Variants in ZBTB5 observed in about 807,000 individuals in gnomAD.
The protein encoded by ZBTB5 is zinc finger and BTB domain-containing protein 5.
A neutral mutation model predicts 37.9 loss-of-function variants in ZBTB5; 15 were observed. The observed-to-expected ratio is 0.40, with a 90% confidence interval of 0.26 to 0.61. The LOEUF is 0.61. Among genes scored for constraint, ZBTB5 ranks in the 20% least tolerant of loss-of-function variants. The pLI, the probability that ZBTB5 is intolerant of heterozygous loss-of-function variation, is 0.47. For synonymous variants in ZBTB5, 315 were observed against 312.4 expected, an observed-to-expected ratio of 1.01 and a Z score of -0.09; for missense variants, 708 against 856.8, an observed-to-expected ratio of 0.83 and a Z score of 2.17.
intron 1 of ZBTB5, among the ~76,000 whole-genome samples, chr9:37,457,967 T>A (rs1338380158): frequency 1.3e-5 from 2 of 152,270 alleles, no homozygotes; most frequent in Non-Finnish European, 2.9e-5. Context: ...CTAAAGGCTA[T>A]CATCACTTTT....
At chr9:37,453,752 G>C (rs1234968195) in intron 1 of ZBTB5, among the ~76,000 whole-genome samples, 1 of 152,170 alleles carries the variant, frequency 6.6e-6, no homozygotes, top group African/African-American at 2.4e-5. Flanking sequence ...GATTGTTTCA[G>C]ACAATCACTT....
At chr9:37,451,607 TAC>T in intron 1 of ZBTB5, among the ~76,000 whole-genome samples, 1 of 144,594 alleles carries the variant, frequency 6.9e-6, no homozygotes, top group Non-Finnish European at 1.5e-5. Flanking sequence ...AATTTACATA[TAC>T]ACTTTTGGTA....
chr9:37,449,822 TTTTC>T lies in ZBTB5; in HGVS notation c.-4-7271_-4-7268del, dbSNP rs1824066473. 3.9e-5 allele frequency among the ~76,000 whole-genome samples: 6 copies of T among 152,192 alleles called. No homozygotes were observed. The South Asian group carries it at 1.2e-3, about 32-fold the overall frequency. The stretch of plus-strand genomic sequence containing the variant: ...TTAATAAAAAGCAGCCCCAAGTGAT[TTTTC>T]TTTCTAACAAAGAGCAGCCTGTAAA... On this transcript the variant is annotated intron_variant, in intron 1 of 1. Coordinates refer to ENST00000307750, the MANE Select transcript of ZBTB5 (RefSeq NM_014872.3).
At chr9:37,453,349 G>C (rs1013029820) in intron 1 of ZBTB5, among the ~76,000 whole-genome samples, 1 of 150,936 alleles carries the variant, frequency 6.6e-6, no homozygotes, top group East Asian at 1.9e-4. Context: ...ACCACACGCA[G>C]CTTTTTTTTT....
Position 37,441,872 on chromosome 9 carries a change from T to G in ZBTB5, c.680A>C (p.His227Pro), listed in dbSNP as rs1823885967. 1 of 1,614,040 alleles carries G rather than the reference T, an allele frequency of 6.2e-7. No individual in the cohort carries two copies. The highest frequency in any genetic ancestry group is 8.5e-7 in the Non-Finnish European group (1 of 1,180,036). Residue 227 changes from histidine (H) to proline (P), a missense_variant, in exon 2 of 2, where the codon CAT (histidine) becomes CCT (proline). Around this residue, in one of 3 missense-constraint regions of ZBTB5, gnomAD observed 639 missense variants for 690.5 expected, o/e 0.93. Coordinates refer to ENST00000307750, the MANE Select transcript of ZBTB5 (RefSeq NM_014872.3). Reference sequence around the variant, plus strand: ...TGGTGAAAAGAACTCCTCCCGAGAATGAACCCCTGAAGGCCCATTCTCCGG... The same window carrying G: ...TGGTGAAAAGAACTCCTCCCGAGAAGGAACCCCTGAAGGCCCATTCTCCGG... The part of the protein sequence containing the change: ...VTPENGPSGV[H>P]SREEFFSPDS...
Position 37,441,641 on chromosome 9 carries a change from G to A in ZBTB5, c.911C>T (p.Ala304Val), listed in dbSNP as rs1215030427. 1.2e-6 allele frequency: 2 copies of A among 1,613,682 alleles called. No individual in the cohort carries two copies. The highest frequency in any genetic ancestry group is 1.7e-6 in the Non-Finnish European group (2 of 1,179,986). Residue 304 changes from alanine to valine, a missense_variant, in exon 2 of 2, where the codon GCA becomes GTA. Ala to Val is a moderately conservative substitution (Grantham distance 64). Around this residue, in one of 3 missense-constraint regions of ZBTB5, gnomAD observed 639 missense variants for 690.5 expected, o/e 0.93. Coordinates refer to ENST00000307750, the MANE Select transcript of ZBTB5 (RefSeq NM_014872.3). ...QVETSFDQEAAPEKSSFQCEN... is the reference protein window; with the variant it reads ...QVETSFDQEAVPEKSSFQCEN... ...ACACTGAAAACTACTTTTCTCAGGT[G>A]CAGCTTCCTGATCAAAACTAGTCTC... is the stretch of plus-strand genomic sequence containing the variant.
At chr9:37,448,188 G>C (rs1487826274) in intron 1 of ZBTB5, among the ~76,000 whole-genome samples, 9 of 151,636 alleles carry the variant, frequency 5.9e-5, no homozygotes, top group Non-Finnish European at 1.2e-4. Context: ...CATCAGCCTA[G>C]AGATCCTCAG....
chr9:37,449,979 C>A (rs977600181), intron 1 of ZBTB5, among the ~76,000 whole-genome samples: 20 of 152,038 alleles, frequency 1.3e-4, no homozygotes, highest in African/African-American at 4.4e-4. Flanking sequence ...AAGGGGAAAG[C>A]CCATTTGCAT....
At position 37,440,793 on chromosome 9, in the gene ZBTB5, C is replaced by T; in HGVS notation, c.1759G>A (p.Ala587Thr). 6.2e-7 allele frequency: 1 copy of T among 1,614,188 alleles called. No individual in the cohort carries two copies. The highest frequency in any genetic ancestry group is 8.5e-7 in the Non-Finnish European group (1 of 1,180,044). ...SQPGPPQLTR[A>T]SADVLSKCKK... ...CACTTTGACAGAACATCTGCAGATGCCCTGGTCAACTGTGGAGGGCCAGGC... is the reference window on the plus strand; with the variant it reads ...CACTTTGACAGAACATCTGCAGATGTCCTGGTCAACTGTGGAGGGCCAGGC... The change falls in exon 2 of 2, where the codon GCA (alanine) becomes ACA (threonine). Residue 587 changes from alanine to threonine, a missense_variant. Around this residue, in one of 3 missense-constraint regions of ZBTB5, gnomAD observed 639 missense variants for 690.5 expected, o/e 0.93. Transcript: ENST00000307750.
chr9:37,465,039 G>A (rs560243286), intron 1 of ZBTB5, among the ~76,000 whole-genome samples, 176 bp downstream of exon 1: 2 of 151,960 alleles, frequency 1.3e-5, no homozygotes, highest in African/African-American at 4.8e-5. Flanking sequence ...AGAAGAACCC[G>A]CCTGGCCCCT....
At chr9:37,452,030 C>T (rs533053619) in intron 1 of ZBTB5, among the ~76,000 whole-genome samples, 1 of 152,180 alleles carries the variant, frequency 6.6e-6, no homozygotes, top group African/African-American at 2.4e-5. Flanking sequence ...AGAATCCCAA[C>T]CCCTCTCATT....
At chr9:37,459,264 G>C (rs1824244758) in intron 1 of ZBTB5, among the ~76,000 whole-genome samples, 1 of 152,124 alleles carries the variant, frequency 6.6e-6, no homozygotes, top group Non-Finnish European at 1.5e-5. Flanking sequence ...TTTGAGACCA[G>C]CCTGACCAAC....
intron 1 of ZBTB5, among the ~76,000 whole-genome samples, chr9:37,463,519 C>A (rs551052896): frequency 6.6e-6 from 1 of 152,290 alleles, no homozygotes; most frequent in Non-Finnish European, 1.5e-5. Flanking sequence ...CAGCACTACA[C>A]CAGGTTTTGT....
At chr9:37,455,188 G>A (rs1268158557) in intron 1 of ZBTB5, among the ~76,000 whole-genome samples, 1 of 152,176 alleles carries the variant, frequency 6.6e-6, no homozygotes, top group East Asian at 1.9e-4. Context: ...AGAATGTGCA[G>A]AGGAGCATAA....
chr9:37,460,854 C>T (rs1457071508), intron 1 of ZBTB5, among the ~76,000 whole-genome samples: 1 of 151,242 alleles, frequency 6.6e-6, no homozygotes, highest in East Asian at 1.9e-4. Flanking sequence ...GGTGACAGAG[C>T]AAGACCCTAT....
chr9:37,445,122 A>G (rs1823952067), intron 1 of ZBTB5, among the ~76,000 whole-genome samples: 1 of 152,142 alleles, frequency 6.6e-6, no homozygotes, highest in Non-Finnish European at 1.5e-5. Flanking sequence ...GTTTACTCAC[A>G]GGACACAATA....
rs755286934 is a variant in ZBTB5, at chr9:37,441,972, T to C, written c.580A>G (p.Lys194Glu). ...CTGGCCCGCTCCTCTGCAGACTGCT[T>C]GCGCTTATGAAGGCGTCTCATGGGG... Reference protein sequence around the residue: ...PFPMRRLHKRKQSAEERARQR... With the variant: ...PFPMRRLHKREQSAEERARQR... Residue 194 changes from lysine to glutamate, a missense_variant, in exon 2 of 2, where the codon AAG (lysine) becomes GAG (glutamate). By Grantham distance (56) the Lys-to-Glu change is moderately conservative. Coordinates refer to ENST00000307750, the MANE Select transcript of ZBTB5 (RefSeq NM_014872.3). The C allele has an allele frequency of 1.2e-6, 2 of 1,613,936 alleles. No homozygotes were observed. The highest frequency in any genetic ancestry group is 2.2e-5 in the South Asian group (2 of 91,090).
Position 37,442,144 on chromosome 9 carries a change from C to G in ZBTB5, c.408G>C (p.Gln136His), listed in dbSNP as rs779511990. 5.3e-5 allele frequency: 86 copies of G among 1,614,112 alleles called. No individual in the cohort carries two copies. The highest frequency in any genetic ancestry group is 1.1e-4 in the East Asian group (5 of 44,900). The change falls in exon 2 of 2, where the codon CAG becomes CAC. Residue 136 changes from glutamine to histidine, a missense_variant. Coordinates refer to ENST00000307750, the MANE Select transcript of ZBTB5 (RefSeq NM_014872.3). ...MSPPSERVQE[Q>H]SARMQRSFML... ...TAAAGGAGCGCTGCATGCGGGCGCT[C>G]TGCTCCTGAACGCGCTCACTGGGGG...
intron 1 of ZBTB5, among the ~76,000 whole-genome samples, chr9:37,443,867 A>C (rs1356544254): frequency 6.6e-6 from 1 of 151,758 alleles, no homozygotes; most frequent in Admixed American, 6.6e-5. Context: ...CAGAGGCTGC[A>C]GTGAGCAGAG....
Sources: gnomAD v4.1 joint callset for allele counts (sites outside exome capture counted in the v4.1 genomes callset) on GRCh38, gnomAD v4.1.1 for gene constraint, gnomAD v4.1.1 regional missense constraint, MANE v1.5 for transcripts, NCBI Gene and HGNC (gene_info 2026-07-23, HGNC 2026-07-21) for gene names.